IFI16: variants seen among roughly 807,000 people sequenced by gnomAD.
IFI16 encodes the protein interferon gamma inducible protein 16.
In IFI16, 49 loss-of-function variants were observed where a neutral mutation model predicts 68.4. The ratio of observed to expected loss-of-function variants is 0.72; its 90% confidence interval spans 0.57 to 0.91. The LOEUF (loss-of-function observed/expected upper bound fraction) is 0.91. Among genes scored for constraint, IFI16 ranks in the 40% least tolerant of loss-of-function variants. The pLI is 0.00. For synonymous variants in IFI16, 307 were observed against 315.0 expected (o/e 0.97, Z 0.27); for missense variants, 878 against 942.9 (o/e 0.93, Z 0.90).
chr1:159,036,330 G>C (rs1008939400), intron 7 of IFI16, among the ~76,000 whole-genome samples: 6 of 152,182 alleles, frequency 3.9e-5, no homozygotes, highest in African/African-American at 1.4e-4. Context: ...CAGTGAGTGT[G>C]CTAAATGTAA....
At chr1:159,026,167 G>A (rs1653654844) in intron 6 of IFI16, among the ~76,000 whole-genome samples, 1 of 150,384 alleles carries the variant, frequency 6.6e-6, no homozygotes, top group Non-Finnish European at 1.5e-5. Context: ...TATGTGGTCT[G>A]TTTTTTGGTT....
At position 159,054,893 on chromosome 1, in the gene IFI16, T is replaced by C. The variant is rs368332256; in HGVS notation, c.2350T>C (p.Phe784Leu). The change falls in exon 12 of 12, where the codon TTC (phenylalanine) becomes CTC (leucine). Residue 784 changes from phenylalanine (F) to leucine (L), a missense_variant. Transcript: ENST00000295809. ...AAGTATGGAAACTTCACCAGACTTTTTCTTCTAAAATCTGGATGTCATTGA... is the reference window on the plus strand; with the variant it reads ...AAGTATGGAAACTTCACCAGACTTTCTCTTCTAAAATCTGGATGTCATTGA... ...DSSMETSPDF[F>L]F The C allele has an allele frequency of 5.7e-6, 9 of 1,576,940 alleles. No homozygotes were observed. The highest frequency in any genetic ancestry group is 7.0e-6 in the Non-Finnish European group (8 of 1,148,836).
chr1:159,050,109 T>TATA (rs1278390635), intron 9 of IFI16, among the ~76,000 whole-genome samples: 2 of 152,242 alleles, frequency 1.3e-5, no homozygotes, highest in Non-Finnish European at 2.9e-5. Context: ...AGAGTCTTAT[T>TATA]TTCTCTCAGA....
In IFI16 at chr1:159,045,460, C is replaced by A; in HGVS notation, c.1493C>A (p.Thr498Asn). The change falls in exon 8 of 12, where the codon ACC (threonine) becomes AAC (asparagine). Residue 498 changes from threonine (T) to asparagine (N), a missense_variant. Transcript: ENST00000295809. ...TCAACACCAAGCAGCAGTTTCTTAA[C>A]CACGGTACAAGTTCCCTCTTCCCAA... is the stretch of plus-strand genomic sequence containing the variant. Reference protein sequence around the residue: ...PPSTPSSSFLTTKSEDTISKM... With the variant: ...PPSTPSSSFLNTKSEDTISKM... 1 of 1,601,268 alleles carries A rather than the reference C, an allele frequency of 6.2e-7. No homozygotes were observed.
At chr1:159,026,336 C>G (rs527755186) in intron 6 of IFI16, among the ~76,000 whole-genome samples, 15 of 150,052 alleles carry the variant, frequency 1.0e-4, no homozygotes, top group African/African-American at 3.7e-4. Context: ...TCGCTCTTGT[C>G]CCCCAGGCCT....
chr1:159,012,199 CA>C (rs1414949245), intron 1 of IFI16, among the ~76,000 whole-genome samples: 5 of 152,106 alleles, frequency 3.3e-5, no homozygotes, highest in Non-Finnish European at 7.4e-5. Context: ...CTGAGTATCA[CA>C]AAATAGTTTT....
intron 6 of IFI16, among the ~76,000 whole-genome samples, chr1:159,021,434 C>A (rs1653308197): frequency 6.6e-6 from 1 of 152,178 alleles, no homozygotes; most frequent in South Asian, 2.1e-4. Flanking sequence ...TTATTTTGTT[C>A]CTTTTTATGG....
intron 7 of IFI16, among the ~76,000 whole-genome samples, chr1:159,041,251 ACTCT>A (rs1204084680): frequency 2.6e-5 from 4 of 152,166 alleles, no homozygotes; most frequent in African/African-American, 7.2e-5. Flanking sequence ...TTTTGCAGAC[ACTCT>A]CTGTCCTCAC....
chr1:159,032,598 A>G lies in IFI16; in HGVS notation c.1236A>G (p.Pro412=). ...MKLPQEQRQL[P]YPSEASTTFP... is the part of the protein sequence containing the mutation. Reference sequence around the variant, plus strand: ...TACCCCAGGAACAGCGTCAGCTTCCATATCCTTCAGAGGCCAGCACAACCT... The same window carrying G: ...TACCCCAGGAACAGCGTCAGCTTCCGTATCCTTCAGAGGCCAGCACAACCT... Residue 412 remains proline (P), a synonymous_variant, in exon 7 of 12, where the codon CCA becomes CCG. Transcript: ENST00000295809. 6.2e-7 allele frequency: 1 copy of G among 1,612,604 alleles called. No individual in the cohort carries two copies. The highest frequency in any genetic ancestry group is 8.5e-7 in the Non-Finnish European group (1 of 1,179,232).
chr1:159,037,953 T>A (rs1654421121), intron 7 of IFI16, among the ~76,000 whole-genome samples: 1 of 152,198 alleles, frequency 6.6e-6, no homozygotes, highest in Non-Finnish European at 1.5e-5. Context: ...CTGTGTTTGT[T>A]ACAAAATTAT....
rs770053657 is a variant in IFI16 at position 159,014,642 on chromosome 1, A to AT, written c.-20-18dup. On this transcript the variant is annotated intron_variant, in intron 1 of 11. Transcript: ENST00000295809. Reference sequence around the variant, plus strand: ...TCTGTATACATGTGTAACACTGTATATACCATTTTCTCTTGTAGGCTCACT... The same window carrying AT: ...TCTGTATACATGTGTAACACTGTATATTACCATTTTCTCTTGTAGGCTCACT... 1.4e-5 allele frequency: 22 copies of AT among 1,524,568 alleles called. No individual in the cohort carries two copies. Among genetic ancestry groups the AT allele is most frequent in the Non-Finnish European group, 1.9e-5 (21 of 1,125,472 alleles). The allele number at this position is 1,524,568 out of a possible 1,614,324, so 94.4% of individuals were successfully genotyped here. A position where few individuals can be genotyped will look rare whatever the true frequency, so the allele number is the denominator to read the frequency against.
rs140847888 is a variant in IFI16 at position 159,049,156 on chromosome 1, A to G, written c.1498-276A>G. 1.4e-3 allele frequency among the ~76,000 whole-genome samples: 204 copies of G among 149,682 alleles called. 2 individuals carry two copies. The highest frequency in any genetic ancestry group is 4.8e-3 in the African/African-American group (192 of 39,930). ...CCTAAGAGTTGTACCTGACCAAATA[A>G]CTCAGTCCAGTTTTACAGGATGTGA... On this transcript the variant is annotated intron_variant, in intron 8 of 11. Coordinates refer to ENST00000295809, the MANE Select transcript of IFI16 (RefSeq NM_001376587.1).
intron 6 of IFI16, among the ~76,000 whole-genome samples, chr1:159,030,916 C>T (rs1036865735): frequency 1.3e-4 from 19 of 151,714 alleles, no homozygotes; most frequent in African/African-American, 4.6e-4. Context: ...TGTCCTTTGT[C>T]TTCTGGCTAC....
intron 9 of IFI16, among the ~76,000 whole-genome samples, chr1:159,050,276 G>A (rs772327326): frequency 2.6e-5 from 4 of 151,784 alleles, no homozygotes; most frequent in Non-Finnish European, 5.9e-5. Context: ...TTTTTATTTG[G>A]CTTTATGTTG....
rs755617878 is a variant in IFI16, at chr1:159,032,544, G to T, written c.1182G>T (p.Pro394=). The T allele has an allele frequency of 5.7e-6, 9 of 1,579,796 alleles. No individual in the cohort carries two copies. The highest frequency in any genetic ancestry group is 7.7e-6 in the Non-Finnish European group (9 of 1,167,588). Residue 394 remains proline (P), a synonymous_variant, in exon 7 of 12, where the codon CCG becomes CCT. Coordinates refer to ENST00000295809, the MANE Select transcript of IFI16 (RefSeq NM_001376587.1). The part of the protein sequence containing the change: ...SFIQIKKKTN[P]RNNDPKSMKL... Reference sequence around the variant, plus strand: ...TTCAGATAAAGAAAAAAACAAACCCGAGAAACAATGACCCCAAGAGCATGA... The same window carrying T: ...TTCAGATAAAGAAAAAAACAAACCCTAGAAACAATGACCCCAAGAGCATGA...
intron 8 of IFI16, among the ~76,000 whole-genome samples, chr1:159,046,880 C>T (rs938464071): frequency 6.6e-6 from 1 of 151,370 alleles, no homozygotes; most frequent in African/African-American, 2.4e-5. Flanking sequence ...CTATGACTTT[C>T]TTCCCTACTC....
chr1:159,026,134 T>G (rs1653653631), intron 6 of IFI16, among the ~76,000 whole-genome samples: 1 of 152,140 alleles, frequency 6.6e-6, no homozygotes, highest in Non-Finnish European at 1.5e-5. Flanking sequence ...CCTTTTGTTC[T>G]TTTTCCTTAG....
upstream of IFI16, among the ~76,000 whole-genome samples, chr1:159,006,525 C>A (rs1349109097): frequency 2.0e-5 from 3 of 152,084 alleles, no homozygotes; most frequent in Non-Finnish European, 2.9e-5. Flanking sequence ...TTTTGAAACG[C>A]TGAGGATCTG....
rs1402557791 is a variant in IFI16 at position 159,015,020 on chromosome 1, T to C, written c.265+75T>C. On this transcript the variant is annotated intron_variant, in intron 2 of 11. Coordinates refer to ENST00000295809, the MANE Select transcript of IFI16 (RefSeq NM_001376587.1). ...CCCCAACATTGATTAGAGCCCCACCTCGGACATACTTGAGATGTGTTTTCC... is the reference window on the plus strand; with the variant it reads ...CCCCAACATTGATTAGAGCCCCACCCCGGACATACTTGAGATGTGTTTTCC... The C allele has an allele frequency of 3.0e-6, 4 of 1,344,538 alleles. No homozygotes were observed. The African/African-American group carries it at 5.9e-5, about 20-fold the overall frequency. The allele number at this position is 1,344,538 out of a possible 1,614,324, so 83.3% of individuals were successfully genotyped here.
Sources: gnomAD v4.1 joint callset for allele counts (sites outside exome capture counted in the v4.1 genomes callset) on GRCh38, gnomAD v4.1.1 for gene constraint, MANE v1.5 for transcripts, NCBI Gene and HGNC (gene_info 2026-07-23, HGNC 2026-07-21) for gene names.